The following DCLRE1C variants were observed in gnomAD, a reference collection of about 807,000 sequenced individuals.
DCLRE1C encodes the protein DNA cross-link repair 1C.
DCLRE1C carries 47 observed loss-of-function variants against 61.4 expected under a neutral mutation model. The observed-to-expected ratio is 0.77, with a 90% CI of 0.61 to 0.98. DCLRE1C has a LOEUF of 0.98. Among genes scored for constraint, DCLRE1C ranks in the 50% least tolerant of loss-of-function variants. DCLRE1C has a pLI of 0.00. For synonymous variants in DCLRE1C, 337 were observed against 287.6 expected (o/e 1.17, Z -1.74); for missense variants, 858 against 816.0 (o/e 1.05, Z -0.63).
In DCLRE1C at chr10:14,905,927, A is replaced by G. The variant is rs1420217182; in HGVS notation, c.*2481T>C. 6.6e-6 allele frequency among the ~76,000 whole-genome samples: 1 copy of G among 152,216 alleles called. No individual in the cohort carries two copies. The highest frequency in any genetic ancestry group is 1.5e-5 in the Non-Finnish European group (1 of 68,028). ...AACCCTGGAGGCTGAGGTTGCAGTG[A>G]GCTGAGATAGGGCCACTGCATTCCA... On this transcript the variant is annotated 3_prime_UTR_variant, in exon 14 of 14. Transcript: ENST00000378278.
At chr10:14,947,665 TGA>T (rs1841897295) in intron 2 of DCLRE1C, 1 of 152,260 alleles carries the variant, frequency 6.6e-6, no homozygotes, top group Admixed American at 6.5e-5. Context: ...GAAGCTCTAA[TGA>T]CAATGTCAGG....
chr10:14,929,595 T>C (rs1838637594), intron 9 of DCLRE1C, among the ~76,000 whole-genome samples: 2 of 151,894 alleles, frequency 1.3e-5, no homozygotes, highest in East Asian at 1.9e-4. Flanking sequence ...TGAGCAATGA[T>C]TGCACCACTG....
rs566736356 is a variant in DCLRE1C at position 14,933,393 on chromosome 10, T to G, written c.679-438A>C. Among the ~76,000 whole-genome samples the G allele has an allele frequency of 2.8e-4, 43 of 152,310 alleles. No individual in the cohort carries two copies. In the South Asian group the frequency reaches 8.5e-3, roughly 30 times the overall value. Reference sequence around the variant, plus strand: ...GGCTTATGCCTGTATTCCCAGCACTTTGAGAGGCGGAGGCCGGTGGATCAC... The same window carrying G: ...GGCTTATGCCTGTATTCCCAGCACTGTGAGAGGCGGAGGCCGGTGGATCAC... On this transcript the variant is annotated intron_variant, in intron 8 of 13. Coordinates refer to ENST00000378278, the MANE Select transcript of DCLRE1C (RefSeq NM_001033855.3).
chr10:14,897,532 C>T (rs528402642), exon 14 of DCLRE1C: 2 of 1,500,122 alleles, frequency 1.3e-6, no homozygotes, highest in African/African-American at 1.4e-5. Flanking sequence ...GTTTCATTTG[C>T]CACGTAGTAA....
chr10:14,929,631 G>A (rs904175158), intron 9 of DCLRE1C, among the ~76,000 whole-genome samples: 3 of 152,018 alleles, frequency 2.0e-5, no homozygotes, highest in Admixed American at 6.6e-5. Context: ...GACAGAGCAA[G>A]ACTCTATAAA....
intron 3 of DCLRE1C, among the ~76,000 whole-genome samples, chr10:14,941,831 A>G (rs1840909507): frequency 6.6e-6 from 1 of 152,060 alleles, no homozygotes; most frequent in Admixed American, 6.6e-5. Context: ...ATTAGTCCAC[A>G]TTCACACATT....
rs2131775488 is a variant in DCLRE1C, at chr10:14,908,930, T to C, written c.1557A>G (p.Pro519=). The C allele has an allele frequency of 6.2e-7, 1 of 1,614,196 alleles. No homozygotes were observed. Among genetic ancestry groups the C allele is most frequent in the South Asian group, 1.1e-5 (1 of 91,082 alleles). ...SSTVAGGSQS[P]KLFSDSDGES... ...CTCCATCAGAGTCACTGAAAAGCTT[T>C]GGTGACTGAGATCCCCCTGCCACTG... Residue 519 remains proline, a synonymous_variant, in exon 14 of 14, where the codon CCA becomes CCG. Coordinates refer to ENST00000378278, the MANE Select transcript of DCLRE1C (RefSeq NM_001033855.3).
At chr10:14,945,334 C>A (rs1362045135) in intron 2 of DCLRE1C, 145 bp from the exon 3 acceptor site, 9 of 1,408,514 alleles carry the variant, frequency 6.4e-6, no homozygotes, top group African/African-American at 1.5e-5. Flanking sequence ...AATAAAAACA[C>A]AAATACTAGC....
chr10:14,953,535 G>A (rs568456693), intron 1 of DCLRE1C, among the ~76,000 whole-genome samples: 60 of 152,114 alleles, frequency 3.9e-4, no homozygotes, highest in African/African-American at 1.4e-3. Context: ...CAATGTTTGA[G>A]GGTGTGGTCA....
At chr10:14,936,058 T>G (rs184313566) in intron 5 of DCLRE1C, among the ~76,000 whole-genome samples, 148 of 152,172 alleles carry the variant, frequency 9.7e-4, no homozygotes, top group Non-Finnish European at 1.6e-3. Flanking sequence ...CACACCCGGC[T>G]AATGTTTATA....
intron 13 of DCLRE1C, among the ~76,000 whole-genome samples, chr10:14,912,775 C>T (rs1346699578): frequency 2.6e-5 from 4 of 152,214 alleles, no homozygotes; most frequent in Non-Finnish European, 5.9e-5. Context: ...AGCTCTGCCT[C>T]CTGGGTTCAC....
rs1836823637 is a variant in DCLRE1C, at chr10:14,919,912, T to C, written c.1062-80A>G. ...GACATCATTGATAGTATTACAAATT[T>C]TTTTGATTTTGTTTTTTAATTTCTT... On this transcript the variant is annotated intron_variant, in intron 12 of 13. Coordinates refer to ENST00000378278, the MANE Select transcript of DCLRE1C (RefSeq NM_001033855.3). 5 of 1,215,482 alleles carry C rather than the reference T, an allele frequency of 4.1e-6. No individual in the cohort carries two copies. The Admixed American group carries it at 8.8e-5, about 21-fold the overall frequency. 75.3% of individuals were successfully genotyped at this position (1,215,482 alleles called of 1,614,324 possible). A position where few individuals can be genotyped will look rare whatever the true frequency, so the allele number is the denominator to read the frequency against.
At chr10:14,929,080 C>T (rs557252053) in intron 9 of DCLRE1C, among the ~76,000 whole-genome samples, 31 of 152,140 alleles carry the variant, frequency 2.0e-4, no homozygotes, top group African/African-American at 6.5e-4. Context: ...GGGCCCAGAC[C>T]CTTGTACCAG....
chr10:14,941,692 A>C (rs2131055447), intron 3 of DCLRE1C, among the ~76,000 whole-genome samples: 1 of 152,242 alleles, frequency 6.6e-6, no homozygotes, highest in Non-Finnish European at 1.5e-5. Flanking sequence ...GGAAGATTTT[A>C]GCTGTCCCTT....
intron 13 of DCLRE1C, among the ~76,000 whole-genome samples, chr10:14,911,699 A>G (rs774239778): frequency 4.6e-5 from 7 of 152,226 alleles, no homozygotes; most frequent in Admixed American, 1.3e-4. Context: ...AATATTTCCT[A>G]ATCATGTCAG....
rs1361547846 is a variant in DCLRE1C, at chr10:14,946,107, C to T, written c.162-918G>A. On this transcript the variant is annotated intron_variant, in intron 2 of 13. Transcript: ENST00000378278. Reference sequence around the variant, plus strand: ...AAAGCAACCTTCCGCCTCCCGGGTTCAAGCGATTCTCCTGTCTTAGCCTCT... The same window carrying T: ...AAAGCAACCTTCCGCCTCCCGGGTTTAAGCGATTCTCCTGTCTTAGCCTCT... 4.0e-5 allele frequency among the ~76,000 whole-genome samples: 6 copies of T among 151,556 alleles called. No homozygotes were observed. In the East Asian group the frequency reaches 1.2e-3, roughly 29 times the overall value.
rs150280175 is a variant in DCLRE1C at position 14,933,015 on chromosome 10, A to C, written c.679-60T>G. ...AAATGTATTTCCTATAAATTGTTCAAGGTTAATTACTCAGGGCAAAACACC... is the reference window on the plus strand; with the variant it reads ...AAATGTATTTCCTATAAATTGTTCACGGTTAATTACTCAGGGCAAAACACC... On this transcript the variant is annotated intron_variant, in intron 8 of 13. Coordinates refer to ENST00000378278, the MANE Select transcript of DCLRE1C (RefSeq NM_001033855.3). 919 of 1,586,088 alleles carry C rather than the reference A, an allele frequency of 5.8e-4. 12 individuals carry two copies. The East Asian group carries it at 0.018, about 31-fold the overall frequency.
chr10:14,915,096 T>G (rs1835952389), intron 13 of DCLRE1C, among the ~76,000 whole-genome samples: 1 of 151,800 alleles, frequency 6.6e-6, no homozygotes, highest in Non-Finnish European at 1.5e-5. Context: ...AGGAAAAATT[T>G]AAAAATGTTT....
intron 8 of DCLRE1C, 144 bp downstream of exon 8, chr10:14,934,236 G>C: frequency 8.3e-7 from 1 of 1,208,494 alleles, no homozygotes; most frequent in South Asian, 1.4e-5. Flanking sequence ...GCTGAGCCAG[G>C]AGAATTGCTT....
Sources: gnomAD v4.1 joint callset for allele counts (sites outside exome capture counted in the v4.1 genomes callset) on GRCh38, gnomAD v4.1.1 for gene constraint, MANE v1.5 for transcripts, NCBI Gene and HGNC (gene_info 2026-07-23, HGNC 2026-07-21) for gene names.